Variants in NBPF19 observed in about 807,000 individuals in gnomAD.
NBPF19 encodes NBPF member 19, also known as NBPF family member NBPF19.
In NBPF19, 30 loss-of-function variants were observed where a neutral mutation model predicts 45.9. The observed-to-expected ratio is 0.65, with a 90% confidence interval of 0.49 to 0.89. The LOEUF (loss-of-function observed/expected upper bound fraction) is 0.89. Ranked by LOEUF, NBPF19 falls within the 40% of genes least tolerant of loss-of-function variation. The pLI is 0.00. For missense variants in NBPF19, 495 were observed against 471.8 expected (o/e 1.05, Z -0.46); for synonymous variants, 183 against 181.2 (o/e 1.01, Z -0.08).
intron 9 of NBPF19, among the ~76,000 whole-genome samples, chr1:149,487,631 G>T (rs1443744128): frequency 8.0e-5 from 12 of 150,516 alleles, no homozygotes; most frequent in South Asian, 2.1e-4. Context: ...GGTAACTGCA[G>T]GGAAACTTGA....
Position 149,554,819 on chromosome 1 carries a change from C to A in NBPF19, c.*81C>A. 3.1e-6 allele frequency: 5 copies of A among 1,596,392 alleles called. No individual in the cohort carries two copies. Among genetic ancestry groups the A allele is most frequent in the Non-Finnish European group, 4.3e-6 (5 of 1,168,384 alleles). ...TGAAGATTTGAATGAAACTACAGTT[C>A]CATTTGGAAGCCCAGACATAGGATG... On this transcript the variant is annotated 3_prime_UTR_variant, in exon 94 of 94. Coordinates refer to ENST00000651566, the MANE Select transcript of NBPF19 (RefSeq NM_001351365.2).
rs1299874605 is a variant in NBPF19, at chr1:149,554,543, C to G, written c.11337C>G (p.Asp3779Glu). Residue 3779 changes from aspartate (D) to glutamate (E), a missense_variant, in exon 94 of 94, where the codon GAC (aspartate) becomes GAG (glutamate). Transcript: ENST00000651566. ...MEVEEPEVLQDSLDGCYSTPS... is the reference protein window; with the variant it reads ...MEVEEPEVLQESLDGCYSTPS... ...TGGAAGAGCCTGAAGTCTTACAGGA[C>G]TCACTGGATGGATGTTATTCGACTC... The G allele has an allele frequency of 3.7e-6, 6 of 1,608,236 alleles. No homozygotes were observed. Among genetic ancestry groups the G allele is most frequent in the Middle Eastern group, 2.3e-4 (1 of 4,428 alleles).
intron 13 of NBPF19, among the ~76,000 whole-genome samples, chr1:149,490,899 TGTGTGTGTGTGTGTGTGTGTGC>T (rs1255745512): frequency 1.6e-5 from 2 of 126,030 alleles, no homozygotes; most frequent in African/African-American, 6.3e-5. Flanking sequence ...TCTCTCTCTC[TGTGTGTGTGTGTGTGTGTGTGC>T]GTGTGTGTGT....
chr1:149,487,619 A>C (rs1340166024), intron 9 of NBPF19, among the ~76,000 whole-genome samples: 5 of 150,536 alleles, frequency 3.3e-5, no homozygotes, highest in Non-Finnish European at 7.4e-5. Flanking sequence ...CTGTATTCTC[A>C]TGGTAACTGC....
intron 45 of NBPF19, among the ~76,000 whole-genome samples, chr1:149,516,355 C>CTCTCTCTCTCTCTCTCTGTCTT (rs2086492803): frequency 1.6e-5 from 2 of 124,454 alleles, no homozygotes; most frequent in Admixed American, 1.6e-4. Context: ...GTCTCTGTCT[C>CTCTCTCTCTCTCTCTCTGTCTT]TCTCTCTCTC....
chr1:149,488,085 T>A lies in NBPF19; in HGVS notation c.1113T>A (p.Thr371=). Residue 371 remains threonine (T), a synonymous_variant, in exon 10 of 94, where the codon ACT becomes ACA. Coordinates refer to ENST00000651566, the MANE Select transcript of NBPF19 (RefSeq NM_001351365.2). ...LQDSLDRCYS[T]PSGCLELTDS... ...ACTCACTGGATAGATGTTATTCAACTCCTTCAGGTTGTCTTGAACTGACTG... is the reference window on the plus strand; with the variant it reads ...ACTCACTGGATAGATGTTATTCAACACCTTCAGGTTGTCTTGAACTGACTG... 1 of 665,772 alleles carries A rather than the reference T, an allele frequency of 1.5e-6. No homozygotes were observed. The highest frequency in any genetic ancestry group is 2.8e-5 in the East Asian group (1 of 36,278). 41.2% of individuals were successfully genotyped at this position (665,772 alleles called of 1,614,324 possible).
rs2085988264 is a variant in NBPF19 at position 149,494,137 on chromosome 1, T to C, written c.1998-181T>C. Reference sequence around the variant, plus strand: ...CTCTCTCCCTCTCCCTGTCTTTCTCTTTCATTCTTCTCTACCTGGCCCTGG... The same window carrying C: ...CTCTCTCCCTCTCCCTGTCTTTCTCCTTCATTCTTCTCTACCTGGCCCTGG... On this transcript the variant is annotated intron_variant, in intron 17 of 93. Coordinates refer to ENST00000651566, the MANE Select transcript of NBPF19 (RefSeq NM_001351365.2). Among the ~76,000 whole-genome samples, 3 of 132,932 alleles carry C rather than the reference T, an allele frequency of 2.3e-5. 1 individual carries two copies. The highest frequency in any genetic ancestry group is 7.5e-5 in the Admixed American group (1 of 13,374). The allele number at this position is 132,932 out of a possible 152,430, so 87.2% of individuals were successfully genotyped here. A position where few individuals can be genotyped will look rare whatever the true frequency, so the allele number is the denominator to read the frequency against.
chr1:149,514,749 T>G (rs2101665924), intron 43 of NBPF19, among the ~76,000 whole-genome samples, 187 bp from the exon 44 acceptor site: 1 of 65,206 alleles, frequency 1.5e-5, no homozygotes, highest in Admixed American at 2.1e-4. Flanking sequence ...CTATCTGTCT[T>G]TCTCTTTCAT....
intron 4 of NBPF19, among the ~76,000 whole-genome samples, chr1:149,479,426 C>T (rs1208895623): frequency 1.3e-5 from 2 of 150,762 alleles, no homozygotes; most frequent in African/African-American, 4.9e-5. Context: ...TGAAGGTTCC[C>T]AGGCTGTATT....
intron 2 of NBPF19, among the ~76,000 whole-genome samples, 191 bp from the exon 3 acceptor site, chr1:149,477,754 T>A (rs1297811843): frequency 1.3e-5 from 2 of 151,250 alleles, no homozygotes; most frequent in Non-Finnish European, 3.0e-5. Flanking sequence ...TCTTTCTTCG[T>A]CTTTAAATTT....
intron 8 of NBPF19, among the ~76,000 whole-genome samples, chr1:149,486,702 C>G (rs1422286607): frequency 2.6e-5 from 4 of 151,254 alleles, no homozygotes; most frequent in Non-Finnish European, 5.9e-5. Flanking sequence ...TTTACCTGCC[C>G]AAGGCCAGTG....
intron 49 of NBPF19, 72 bp from the exon 50 acceptor site, chr1:149,519,616 A>G: frequency 1.9e-5 from 1 of 52,888 alleles, no homozygotes; most frequent in Non-Finnish European, 3.0e-5. Flanking sequence ...TATGCTACCC[A>G]TGAAACCTAG....
chr1:149,554,646 A>T lies in NBPF19; in HGVS notation c.11440A>T (p.Ser3814Cys), dbSNP rs1271116356. 44 of 1,608,376 alleles carry T rather than the reference A, an allele frequency of 2.7e-5. 2 individuals are homozygous for T. In the African/African-American group the frequency reaches 4.5e-4, roughly 17 times the overall value. ...TTACTCATTTGAGGAAGAGCATATC[A>T]GCTTCGCCCTTTACTTGGACAATAG... ...VFYSFEEEHI[S>C]FALYLDNRFF... The change falls in exon 94 of 94, where the codon AGC becomes TGC. Residue 3814 changes from serine to cysteine, a missense_variant. Around this residue, in one of 8 missense-constraint regions of NBPF19, gnomAD observed 248 missense variants for 95.4 expected, o/e 2.60. Transcript: ENST00000651566.
At chr1:149,487,302 G>A (rs1179821650) in intron 8 of NBPF19, 30 bp from the exon 9 acceptor site, 7 of 1,534,412 alleles carry the variant, frequency 4.6e-6, no homozygotes, top group South Asian at 2.2e-5. Flanking sequence ...AGAACTTAAT[G>A]TAAGAGGGCC....
intron 93 of NBPF19, among the ~76,000 whole-genome samples, 168 bp from the exon 94 acceptor site, chr1:149,554,327 G>A (rs1203564082): frequency 2.0e-5 from 3 of 151,516 alleles, no homozygotes; most frequent in African/African-American, 4.8e-5. Flanking sequence ...TTTCTACCTG[G>A]CCCTGTTCTA....
At chr1:149,487,162 C>G (rs1227239767) in intron 8 of NBPF19, among the ~76,000 whole-genome samples, 170 bp from the exon 9 acceptor site, 1 of 151,044 alleles carries the variant, frequency 6.6e-6, no homozygotes, top group Non-Finnish European at 1.5e-5. Context: ...TGAAAGAACC[C>G]AAGCCAGTTT....
rs1380188051 is a variant in NBPF19 at position 149,554,618 on chromosome 1, G to T, written c.11412G>T (p.Val3804=). The change falls in exon 94 of 94, where the codon GTG becomes GTT. Residue 3804 remains valine, a synonymous_variant. Transcript: ENST00000651566. ...ACTCATTCCAGCACTACAGAAGTGT[G>T]TTTTACTCATTTGAGGAAGAGCATA... ...LPDSFQHYRS[V]FYSFEEEHIS... 7.5e-6 allele frequency: 12 copies of T among 1,608,198 alleles called. No individual in the cohort carries two copies. The African/African-American group carries it at 1.6e-4, about 22-fold the overall frequency.
chr1:149,554,921 C>G lies in NBPF19; in HGVS notation c.*183C>G, dbSNP rs2087210881. 3 of 1,091,220 alleles carry G rather than the reference C, an allele frequency of 2.7e-6. No homozygotes were observed. The African/African-American group carries it at 4.7e-5, about 17-fold the overall frequency. The allele number at this position is 1,091,220 out of a possible 1,614,324, so 67.6% of individuals were successfully genotyped here. A position where few individuals can be genotyped will look rare whatever the true frequency, so the allele number is the denominator to read the frequency against. ...TGTGCTCAGTCTGAAGACAATGGACCCACGTTAGGTGTGACACGTTCACAT... is the reference window on the plus strand; with the variant it reads ...TGTGCTCAGTCTGAAGACAATGGACGCACGTTAGGTGTGACACGTTCACAT... On this transcript the variant is annotated 3_prime_UTR_variant, in exon 94 of 94. Coordinates refer to ENST00000651566, the MANE Select transcript of NBPF19 (RefSeq NM_001351365.2).
chr1:149,488,188 G>A lies in NBPF19; in HGVS notation c.1213+3G>A, dbSNP rs1210321997. On this transcript the variant is annotated splice_donor_region_variant and intron_variant, in intron 10 of 93. Transcript: ENST00000651566. Reference sequence around the variant, plus strand: ...TGGCTTGGCTATTGACATGGATGGTGAGTACCTTTCTATGAAGGTGATAAG... The same window carrying A: ...TGGCTTGGCTATTGACATGGATGGTAAGTACCTTTCTATGAAGGTGATAAG... The A allele has an allele frequency of 3.1e-5, 20 of 639,202 alleles. 1 individual carries two copies. Among genetic ancestry groups the A allele is most frequent in the South Asian group, 2.3e-4 (13 of 56,494 alleles). The allele number at this position is 639,202 out of a possible 1,614,324, so 39.6% of individuals were successfully genotyped here. A position where few individuals can be genotyped will look rare whatever the true frequency, so the allele number is the denominator to read the frequency against.
Sources: gnomAD v4.1 joint callset for allele counts (sites outside exome capture counted in the v4.1 genomes callset) on GRCh38, gnomAD v4.1.1 for gene constraint, gnomAD v4.1.1 regional missense constraint, MANE v1.5 for transcripts, NCBI Gene and HGNC (gene_info 2026-07-23, HGNC 2026-07-21) for gene names.